Variants in FILIP1L observed in about 807,000 individuals in gnomAD.
FILIP1L encodes the protein filamin A interacting protein 1 like.
A neutral mutation model predicts 96.6 loss-of-function variants in FILIP1L; 55 were observed. The observed-to-expected ratio is 0.57, with a 90% confidence interval of 0.46 to 0.71. FILIP1L has a LOEUF of 0.71. FILIP1L is among the 30% of genes least tolerant of loss of function. The pLI is 0.00. For missense variants in FILIP1L, 1,304 were observed against 1,321.2 expected (o/e 0.99, Z 0.20); for synonymous variants, 467 against 473.9 (o/e 0.99, Z 0.19).
rs1470527367 is a variant in FILIP1L at position 100,067,572 on chromosome 3, T to C, written c.-11+46481A>G. Among the ~76,000 whole-genome samples, 4 of 152,324 alleles carry C rather than the reference T, an allele frequency of 2.6e-5. No homozygotes were observed. In the East Asian group the frequency reaches 7.7e-4, roughly 29 times the overall value. The stretch of plus-strand genomic sequence containing the variant: ...CTGAATTTTGCAGATTTGATTCAGA[T>C]ACAGGTTTATTTAATGTAAATATAA... On this transcript the variant is annotated intron_variant, in intron 1 of 5. Transcript: ENST00000477258.
chr3:99,993,834 A>G (rs1709595830), intron 1 of FILIP1L, among the ~76,000 whole-genome samples: 2 of 152,196 alleles, frequency 1.3e-5, no homozygotes, highest in South Asian at 2.1e-4. Flanking sequence ...GTACTTGATC[A>G]TGATATATTA....
chr3:99,972,426 G>A (rs577094920), intron 1 of FILIP1L, among the ~76,000 whole-genome samples: 8 of 152,232 alleles, frequency 5.3e-5, no homozygotes, highest in Non-Finnish European at 8.8e-5. Flanking sequence ...CAGCAGCATC[G>A]GAAACGTCCC....
intron 4 of FILIP1L, among the ~76,000 whole-genome samples, chr3:99,881,510 T>C (rs1440449136): frequency 6.6e-6 from 1 of 152,132 alleles, no homozygotes; most frequent in South Asian, 2.1e-4. Context: ...GACCTTGTCA[T>C]ATAATTTGTA....
chr3:99,860,311 C>T (rs1944179963), intron 4 of FILIP1L, among the ~76,000 whole-genome samples: 5 of 152,052 alleles, frequency 3.3e-5, no homozygotes, highest in Admixed American at 3.3e-4. Flanking sequence ...TACTAGGCCC[C>T]CCAGAGGTCA....
chr3:99,971,333 CAA>C (rs34655586), intron 1 of FILIP1L, among the ~76,000 whole-genome samples: 12 of 121,492 alleles, frequency 9.9e-5, no homozygotes, highest in Admixed American at 2.6e-4. Context: ...GAGCCCATCT[CAA>C]AAAAAAAAAA....
chr3:99,860,127 G>A (rs1944170735), intron 4 of FILIP1L, among the ~76,000 whole-genome samples: 2 of 152,146 alleles, frequency 1.3e-5, no homozygotes, highest in Non-Finnish European at 2.9e-5. Context: ...ATCCTTTAGA[G>A]ATACCATAAA....
chr3:99,994,544 C>T (rs551114442), intron 1 of FILIP1L, among the ~76,000 whole-genome samples: 9 of 152,136 alleles, frequency 5.9e-5, no homozygotes, highest in Non-Finnish European at 1.0e-4. Context: ...CTTCTCAGAA[C>T]ACAATGGAAA....
chr3:99,987,528 C>CAAAA (rs1209242716), intron 1 of FILIP1L, among the ~76,000 whole-genome samples: 8 of 56,750 alleles, frequency 1.4e-4, no homozygotes, highest in Non-Finnish European at 1.2e-4. Context: ...GATTCTGTCT[C>CAAAA]AAAAAAAAAA....
intron 1 of FILIP1L, among the ~76,000 whole-genome samples, chr3:99,991,385 A>G (rs1709505514): frequency 6.6e-6 from 1 of 152,176 alleles, no homozygotes; most frequent in Non-Finnish European, 1.5e-5. Context: ...GTTCCAAGGT[A>G]TATTCCTATT....
At chr3:99,946,594 A>T (rs181008388) in intron 1 of FILIP1L, among the ~76,000 whole-genome samples, 14 of 152,306 alleles carry the variant, frequency 9.2e-5, no homozygotes, top group Admixed American at 8.5e-4. Flanking sequence ...AAAGCAAATG[A>T]TGCCATTTTT....
chr3:99,896,551 G>A (rs1247829914), intron 4 of FILIP1L, among the ~76,000 whole-genome samples: 1 of 152,120 alleles, frequency 6.6e-6, no homozygotes, highest in Non-Finnish European at 1.5e-5. Flanking sequence ...TCAGGAAATA[G>A]GACCCTTTAT....
At chr3:100,030,302 G>T (rs1479669296) in intron 1 of FILIP1L, among the ~76,000 whole-genome samples, 1 of 152,116 alleles carries the variant, frequency 6.6e-6, no homozygotes, top group Non-Finnish European at 1.5e-5. Context: ...TATGCCACCA[G>T]AAGTCAGTGA....
intron 4 of FILIP1L, among the ~76,000 whole-genome samples, chr3:99,911,526 A>G (rs1706787479): frequency 6.6e-6 from 1 of 151,948 alleles, no homozygotes; most frequent in Non-Finnish European, 1.5e-5. Flanking sequence ...GTTGTGGCAT[A>G]CAGGGTCTGT....
chr3:99,941,207 A>G (rs1192236943), intron 1 of FILIP1L, among the ~76,000 whole-genome samples: 1 of 152,012 alleles, frequency 6.6e-6, no homozygotes, highest in African/African-American at 2.4e-5. Context: ...TTTTAGACAC[A>G]CGGAGTTGAT....
intron 1 of FILIP1L, among the ~76,000 whole-genome samples, chr3:99,951,299 T>G (rs1256442612): frequency 6.6e-6 from 1 of 152,196 alleles, no homozygotes; most frequent in Admixed American, 6.5e-5. Context: ...TTACAGTAGC[T>G]ATTTTACTTA....
chr3:99,947,210 A>T (rs545809851), intron 1 of FILIP1L, among the ~76,000 whole-genome samples: 3 of 151,446 alleles, frequency 2.0e-5, no homozygotes, highest in South Asian at 4.2e-4. Flanking sequence ...AAGAATTTTT[A>T]AAATTTACCT....
intron 1 of FILIP1L, among the ~76,000 whole-genome samples, chr3:99,986,335 A>G (rs1351254380): frequency 6.6e-6 from 1 of 152,024 alleles, no homozygotes; most frequent in Non-Finnish European, 1.5e-5. Context: ...CCATTGCCAT[A>G]AAGACATATC....
At chr3:99,869,862 G>T (rs1455271183) in intron 4 of FILIP1L, among the ~76,000 whole-genome samples, 1 of 152,122 alleles carries the variant, frequency 6.6e-6, no homozygotes, top group African/African-American at 2.4e-5. Context: ...AATAAATCTG[G>T]CAGATTTGCT....
chr3:99,911,204 G>A (rs1706776965), intron 4 of FILIP1L, among the ~76,000 whole-genome samples: 1 of 151,836 alleles, frequency 6.6e-6, no homozygotes, highest in Non-Finnish European at 1.5e-5. Flanking sequence ...ATCCTATTTG[G>A]CTGTAAAGTA....
Sources: gnomAD v4.1 joint callset for allele counts (sites outside exome capture counted in the v4.1 genomes callset) on GRCh38, gnomAD v4.1.1 for gene constraint, MANE v1.5 for transcripts, NCBI Gene and HGNC (gene_info 2026-07-23, HGNC 2026-07-21) for gene names.